Variants in MAGI2 observed in about 807,000 individuals in gnomAD.
MAGI2 encodes the protein membrane associated guanylate kinase, WW and PDZ domain containing 2.
A neutral mutation model predicts 133.3 loss-of-function variants in MAGI2; 35 were observed. That is an observed-to-expected ratio of 0.26 (90% CI 0.20 to 0.35). The LOEUF (loss-of-function observed/expected upper bound fraction) is 0.35. MAGI2 is among the 10% of genes least tolerant of loss of function. The pLI, the probability that MAGI2 is intolerant of heterozygous loss-of-function variation, is 1.00. For missense variants in MAGI2, 1,636 were observed against 1,863.4 expected (o/e 0.88, Z 2.25); for synonymous variants, 729 against 710.6 (o/e 1.03, Z -0.41).
chr7:79,316,270 C>A (rs999826136), intron 1 of MAGI2, among the ~76,000 whole-genome samples: 1 of 151,994 alleles, frequency 6.6e-6, no homozygotes, highest in Non-Finnish European at 1.5e-5. Flanking sequence ...CACCACCACC[C>A]CCCCACTCCA....
chr7:79,381,287 T>C (rs536175808), intron 1 of MAGI2, among the ~76,000 whole-genome samples: 1 of 151,804 alleles, frequency 6.6e-6, no homozygotes, highest in Non-Finnish European at 1.5e-5. Flanking sequence ...ACACCTTTTT[T>C]CTTGATTTTC....
chr7:78,308,560 T>A (rs1182808269), intron 9 of MAGI2, among the ~76,000 whole-genome samples: 1 of 151,632 alleles, frequency 6.6e-6, no homozygotes, highest in Non-Finnish European at 1.5e-5. Context: ...TGGAAAGGGA[T>A]GGAGGCACAG....
intron 2 of MAGI2, among the ~76,000 whole-genome samples, chr7:78,898,228 C>G (rs533516494): frequency 6.6e-6 from 1 of 152,188 alleles, no homozygotes; most frequent in Non-Finnish European, 1.5e-5. Flanking sequence ...CTTATATACA[C>G]TGTTTGCAGG....
intron 1 of MAGI2, among the ~76,000 whole-genome samples, chr7:79,450,032 G>A (rs1042081156): frequency 1.3e-5 from 2 of 151,176 alleles, no homozygotes; most frequent in Non-Finnish European, 3.0e-5. Flanking sequence ...AATTTTACCT[G>A]GTGCACTTAT....
chr7:79,107,009 C>T (rs1458889224), intron 1 of MAGI2, among the ~76,000 whole-genome samples: 1 of 152,198 alleles, frequency 6.6e-6, no homozygotes, highest in African/African-American at 2.4e-5. Flanking sequence ...CAAATAATGG[C>T]TCTTCAAAGA....
intron 2 of MAGI2, among the ~76,000 whole-genome samples, chr7:78,783,341 C>T (rs535172914): frequency 2.0e-5 from 3 of 152,054 alleles, no homozygotes; most frequent in African/African-American, 7.2e-5. Context: ...AATGACCAGT[C>T]GGAGAAAAAG....
At chr7:78,495,276 CAA>C (rs1404425547) in intron 5 of MAGI2, among the ~76,000 whole-genome samples, 1 of 152,122 alleles carries the variant, frequency 6.6e-6, no homozygotes, top group Admixed American at 6.6e-5. Context: ...CCCTATCCCC[CAA>C]CAGGCCCTGG....
At chr7:79,005,459 T>C (rs1261604522) in intron 2 of MAGI2, among the ~76,000 whole-genome samples, 1 of 152,198 alleles carries the variant, frequency 6.6e-6, no homozygotes, top group Admixed American at 6.5e-5. Flanking sequence ...TAGTCTTCTT[T>C]GGTACTCTAA....
chr7:78,959,802 T>G (rs997119223), intron 2 of MAGI2, among the ~76,000 whole-genome samples: 2 of 152,178 alleles, frequency 1.3e-5, no homozygotes, highest in African/African-American at 4.8e-5. Flanking sequence ...AATTGACTTA[T>G]GAGTTAATCA....
intron 1 of MAGI2, among the ~76,000 whole-genome samples, chr7:79,087,670 G>A (rs1816649671): frequency 6.6e-6 from 1 of 152,024 alleles, no homozygotes; most frequent in Admixed American, 6.6e-5. Context: ...GTTAATTTTT[G>A]TATAAGGTGT....
chr7:78,180,631 TCCTGTTGCTCTGACCCAC>T (rs1172959717), intron 13 of MAGI2, among the ~76,000 whole-genome samples: 5 of 152,186 alleles, frequency 3.3e-5, no homozygotes, highest in African/African-American at 1.2e-4. Flanking sequence ...ACAATACCGA[TCCTGTTGCTCTGACCCAC>T]CCTGATTTCA....
At chr7:78,209,726 G>A (rs940914101) in intron 10 of MAGI2, among the ~76,000 whole-genome samples, 2 of 152,152 alleles carry the variant, frequency 1.3e-5, no homozygotes, top group Non-Finnish European at 2.9e-5. Context: ...CAGCAAATTT[G>A]ACGATGTCAC....
rs114259077 is a variant in MAGI2 at position 79,168,264 on chromosome 7, A to C, written c.302-161058T>G. 4.5e-3 allele frequency among the ~76,000 whole-genome samples: 690 copies of C among 151,892 alleles called. 5 individuals are homozygous for C. The highest frequency in any genetic ancestry group is 0.016 in the African/African-American group (668 of 41,466). The stretch of plus-strand genomic sequence containing the variant: ...CTGCTGGGTTAGGGTATCCCAACCG[A>C]GCTGGTCTCGGCACACCACCTAGAT... On this transcript the variant is annotated intron_variant, in intron 1 of 21. Coordinates refer to ENST00000354212, the MANE Select transcript of MAGI2 (RefSeq NM_012301.4).
At position 79,081,172 on chromosome 7, in the gene MAGI2, T is replaced by C. The variant is rs572681629; in HGVS notation, c.302-73966A>G. Among the ~76,000 whole-genome samples, 18 of 152,208 alleles carry C rather than the reference T, an allele frequency of 1.2e-4. No individual in the cohort carries two copies. In the South Asian group the frequency reaches 2.1e-3, roughly 18 times the overall value. ...TTATGTATCAATCTCCTTCTAATCA[T>C]TGGATGGGGCCACCAGCCTGGGACA... On this transcript the variant is annotated intron_variant, in intron 1 of 21. Transcript: ENST00000354212.
At chr7:78,468,411 C>G (rs540383232) in intron 6 of MAGI2, among the ~76,000 whole-genome samples, 2 of 152,052 alleles carry the variant, frequency 1.3e-5, no homozygotes, top group South Asian at 4.1e-4. Flanking sequence ...TTAAGGCATT[C>G]AAATTATTCT....
rs755098042 is a variant in MAGI2, at chr7:78,019,808, T to C, written c.3875A>G (p.His1292Arg). 6.2e-7 allele frequency: 1 copy of C among 1,613,324 alleles called. No individual in the cohort carries two copies. The highest frequency in any genetic ancestry group is 8.5e-7 in the Non-Finnish European group (1 of 1,179,846). Residue 1292 changes from histidine to arginine, a missense_variant, in exon 22 of 22, where the codon CAC becomes CGC. This residue lies in a region of MAGI2 where 354 missense variants were observed against 298.7 expected (regional missense o/e 1.19). Coordinates refer to ENST00000354212, the MANE Select transcript of MAGI2 (RefSeq NM_012301.4). ...PGPTWDIKRE[H>R]DVRKPKELSA... ...AAGCTCCTTTGGTTTCCTAACGTCG[T>C]GTTCCCGTTTGATATCCCAAGTTGG...
chr7:78,490,978 T>G (rs1306366453), intron 5 of MAGI2, among the ~76,000 whole-genome samples: 3 of 151,952 alleles, frequency 2.0e-5, no homozygotes, highest in Non-Finnish European at 4.4e-5. Flanking sequence ...GAAATAGAAA[T>G]CAGAGCCAGG....
chr7:78,745,653 TTAATCA>T (rs573943089), intron 2 of MAGI2, among the ~76,000 whole-genome samples: 25 of 152,340 alleles, frequency 1.6e-4, no homozygotes, highest in Non-Finnish European at 3.1e-4. Context: ...GAATTGGCAG[TTAATCA>T]TAATCAGTCA....
Position 78,392,165 on chromosome 7 carries a change from A to C in MAGI2, c.1046-22952T>G, listed in dbSNP as rs183239952. ...AAAAGTATCCACGGGTAAAAGTAGA[A>C]ATGGATCTGTAAGGGGTATTTATGC... On this transcript the variant is annotated intron_variant, in intron 6 of 21. Transcript: ENST00000354212. Among the ~76,000 whole-genome samples the C allele has an allele frequency of 2.6e-5, 4 of 152,326 alleles. No individual in the cohort carries two copies. In the East Asian group the frequency reaches 7.7e-4, roughly 29 times the overall value.
Sources: gnomAD v4.1 joint callset for allele counts (sites outside exome capture counted in the v4.1 genomes callset) on GRCh38, gnomAD v4.1.1 for gene constraint, gnomAD v4.1.1 regional missense constraint, MANE v1.5 for transcripts, NCBI Gene and HGNC (gene_info 2026-07-23, HGNC 2026-07-21) for gene names.